Variants in CA1 observed in about 807,000 individuals in gnomAD.
The protein encoded by CA1 is carbonic anhydrase 1, also known as carbonate dehydratase I.
CA1 carries 27 observed loss-of-function variants against 28.8 expected under a neutral mutation model. That is an observed-to-expected ratio of 0.94 (90% CI 0.69 to 1.29). The LOEUF (loss-of-function observed/expected upper bound fraction) is 1.29, where lower values mean the gene tolerates loss of function less well. Among genes scored for constraint, CA1 ranks in the 50% most tolerant of loss-of-function variants. The probability of loss-of-function intolerance (pLI) is 0.00; values close to 1 mark genes in which losing one functional copy is unlikely to be tolerated. For synonymous variants in CA1, 121 were observed against 108.8 expected (o/e 1.11, Z -0.70); for missense variants, 335 against 310.5 (o/e 1.08, Z -0.59).
At chr8:85,329,416 T>G (rs1808303046) in intron 7 of CA1, among the ~76,000 whole-genome samples, 1 of 152,168 alleles carries the variant, frequency 6.6e-6, no homozygotes, top group Non-Finnish European at 1.5e-5. Flanking sequence ...TCTGAAATGC[T>G]TAAGAAGATA....
intron 1 of CA1, among the ~76,000 whole-genome samples, chr8:85,374,709 C>T (rs573362653): frequency 3.9e-5 from 6 of 152,312 alleles, no homozygotes; most frequent in Admixed American, 6.5e-5. Context: ...TGTTTCTCTT[C>T]AATAACCTAC....
intron 1 of CA1, among the ~76,000 whole-genome samples, chr8:85,343,756 CCTAA>C (rs1274960941): frequency 6.6e-6 from 1 of 151,874 alleles, no homozygotes; most frequent in Non-Finnish European, 1.5e-5. Flanking sequence ...GACACTGGAC[CCTAA>C]CTATTATCAC....
intron 6 of CA1, 124 bp from the exon 7 acceptor site, chr8:85,329,968 T>G: frequency 2.5e-6 from 2 of 806,004 alleles, no homozygotes; most frequent in Non-Finnish European, 4.1e-6. Flanking sequence ...GTCATTGATT[T>G]TTCTACTATT....
At chr8:85,344,879 GA>G (rs1469995536) in intron 1 of CA1, among the ~76,000 whole-genome samples, 1 of 152,118 alleles carries the variant, frequency 6.6e-6, no homozygotes, top group Non-Finnish European at 1.5e-5. Context: ...CTAAAATGAG[GA>G]AATATATATT....
intron 1 of CA1, 195 bp from the exon 2 acceptor site, chr8:85,341,854 T>A (rs1032936636): frequency 2.3e-5 from 11 of 482,852 alleles, no homozygotes; most frequent in Non-Finnish European, 3.7e-5. Context: ...CTATGTTAGT[T>A]TCAATTGCTT....
At chr8:85,373,122 A>G (rs1810290746) in intron 1 of CA1, among the ~76,000 whole-genome samples, 1 of 152,220 alleles carries the variant, frequency 6.6e-6, no homozygotes, top group Non-Finnish European at 1.5e-5. Flanking sequence ...GTGAAGGAGG[A>G]AAAAGAAATT....
chr8:85,374,360 TTTCA>T (rs1810332289), intron 1 of CA1, among the ~76,000 whole-genome samples: 9 of 152,182 alleles, frequency 5.9e-5, no homozygotes, highest in African/African-American at 1.9e-4. Context: ...TAGAAAGATA[TTTCA>T]GTCTTATTTC....
intron 1 of CA1, among the ~76,000 whole-genome samples, chr8:85,375,502 T>C (rs1312905007): frequency 7.1e-6 from 1 of 140,736 alleles, no homozygotes; most frequent in Admixed American, 7.3e-5. Flanking sequence ...AATACCTGTT[T>C]TTTTCCTTTT....
intron 6 of CA1, 39 bp downstream of exon 6, chr8:85,332,451 C>A: frequency 3.4e-6 from 5 of 1,464,332 alleles, no homozygotes; most frequent in South Asian, 1.1e-5. Context: ...TCTGTAAATT[C>A]TTGTTCTCTG....
At chr8:85,329,872 C>A in intron 6 of CA1, 28 bp from the exon 7 acceptor site, 1 of 1,534,854 alleles carries the variant, frequency 6.5e-7, no homozygotes, top group Non-Finnish European at 8.9e-7. Flanking sequence ...ATCATTACAG[C>A]ATGATATAAA....
intron 4 of CA1, among the ~76,000 whole-genome samples, chr8:85,335,989 G>C (rs747765984): frequency 2.7e-4 from 41 of 152,106 alleles, no homozygotes; most frequent in Non-Finnish European, 4.3e-4. Context: ...TAGTGCACAA[G>C]ATATATGTAC....
chr8:85,359,262 G>A (rs1809708286), intron 1 of CA1, among the ~76,000 whole-genome samples: 2 of 152,150 alleles, frequency 1.3e-5, no homozygotes, highest in African/African-American at 4.8e-5. Context: ...AATAGCTTTT[G>A]AGGCAAGAAA....
chr8:85,361,482 G>A (rs1809795025), intron 1 of CA1, among the ~76,000 whole-genome samples: 1 of 152,114 alleles, frequency 6.6e-6, no homozygotes, highest in African/African-American at 2.4e-5. Flanking sequence ...TTTGAGACCA[G>A]CCTGGCCAAC....
intron 4 of CA1, among the ~76,000 whole-genome samples, chr8:85,334,610 TCCTCCCTCCCTTCCTTCCTTCCTC>T (rs1808563512): frequency 6.7e-6 from 1 of 148,634 alleles, no homozygotes; most frequent in Admixed American, 6.7e-5. Flanking sequence ...CTCCCTTCCT[TCCTCCCTCCCTTCCTTCCTTCCTC>T]CCTCCCTTCT....
At chr8:85,346,617 C>G (rs1809197091) in intron 1 of CA1, among the ~76,000 whole-genome samples, 2 of 151,972 alleles carry the variant, frequency 1.3e-5, no homozygotes, top group Admixed American at 6.6e-5. Context: ...AAAAAATTAG[C>G]CAGGCGTGAT....
intron 1 of CA1, chr8:85,373,517 T>C (rs1810307485): frequency 1.3e-5 from 2 of 152,228 alleles, no homozygotes; most frequent in Admixed American, 1.3e-4. Flanking sequence ...GAGACTACAT[T>C]CACATAACTT....
chr8:85,330,345 G>C (rs552073158), intron 6 of CA1, among the ~76,000 whole-genome samples: 1 of 152,200 alleles, frequency 6.6e-6, no homozygotes, highest in East Asian at 1.9e-4. Flanking sequence ...TATGCATTCT[G>C]TATTTTAGAT....
At chr8:85,349,182 A>G (rs1809313582) in intron 1 of CA1, among the ~76,000 whole-genome samples, 2 of 152,238 alleles carry the variant, frequency 1.3e-5, no homozygotes, top group Admixed American at 1.3e-4. Context: ...GAATAGCCCA[A>G]TAGAATGAGA....
At chr8:85,356,108 A>G (rs1809597961) in intron 1 of CA1, among the ~76,000 whole-genome samples, 2 of 152,184 alleles carry the variant, frequency 1.3e-5, no homozygotes, top group Admixed American at 6.5e-5. Context: ...AGTTTTTTCT[A>G]TGACAATCAG....
Sources: gnomAD v4.1 joint callset for allele counts (sites outside exome capture counted in the v4.1 genomes callset) on GRCh38, gnomAD v4.1.1 for gene constraint, MANE v1.5 for transcripts, NCBI Gene and HGNC (gene_info 2026-07-23, HGNC 2026-07-21) for gene names.